The following TMEM39B variants were observed in gnomAD, a reference collection of about 807,000 sequenced individuals.
TMEM39B encodes the protein transmembrane protein 39B.
A neutral mutation model predicts 52.2 loss-of-function variants in TMEM39B; 23 were observed. The ratio of observed to expected loss-of-function variants is 0.44; its 90% CI spans 0.32 to 0.62. The LOEUF is 0.62. Among genes scored for constraint, TMEM39B ranks in the 20% least tolerant of loss-of-function variants. TMEM39B has a pLI of 0.06. For missense variants in TMEM39B, 547 were observed against 642.0 expected (o/e 0.85, Z 1.60); for synonymous variants, 285 against 264.0 (o/e 1.08, Z -0.77).
chr1:32,098,815 G>A (rs535992716), intron 7 of TMEM39B, among the ~76,000 whole-genome samples: 2 of 152,208 alleles, frequency 1.3e-5, no homozygotes, highest in Non-Finnish European at 2.9e-5. Context: ...CAGGCCTTGC[G>A]GCATGCTCTG....
rs1395510266 is a variant in TMEM39B at position 32,075,768 on chromosome 1, C to A, written c.297C>A (p.Ile99=). The A allele has an allele frequency of 6.5e-7, 1 of 1,548,070 alleles. No individual in the cohort carries two copies. Among genetic ancestry groups the A allele is most frequent in the East Asian group, 2.5e-5 (1 of 40,804 alleles). The change falls in exon 3 of 9, where the codon ATC becomes ATA. Residue 99 remains isoleucine, a synonymous_variant. Transcript: ENST00000336294. ...LIALFVHYIN[I]YKTVWWYPPS... is the part of the protein sequence containing the mutation. ...CACTCTTCGTCCACTACATCAACAT[C>A]TACAAGACAGTGTGGTGGTATCCAC...
At chr1:32,100,039 C>T (rs1450021394) in intron 7 of TMEM39B, among the ~76,000 whole-genome samples, 1 of 151,590 alleles carries the variant, frequency 6.6e-6, no homozygotes, top group Non-Finnish European at 1.5e-5. Context: ...AAGATCGAAA[C>T]TCATTCTCAA....
At chr1:32,090,764 C>T (rs1212053400) in intron 5 of TMEM39B, among the ~76,000 whole-genome samples, 4 of 152,176 alleles carry the variant, frequency 2.6e-5, no homozygotes, top group African/African-American at 7.2e-5. Flanking sequence ...CTCAGCCTCC[C>T]GAGTAGCTGG....
At chr1:32,077,832 G>C in intron 5 of TMEM39B, among the ~76,000 whole-genome samples, 1 of 152,160 alleles carries the variant, frequency 6.6e-6, no homozygotes, top group East Asian at 1.9e-4. Context: ...ATGTGTGTAT[G>C]CCTTTGTGCC....
intron 1 of TMEM39B, chr1:32,073,490 A>C: frequency 1.0e-6 from 1 of 981,124 alleles, no homozygotes; most frequent in Non-Finnish European, 1.2e-6. Flanking sequence ...TTCTGGGCTG[A>C]GAGGGCTTTT....
At chr1:32,096,747 C>T (rs1000075197) in intron 7 of TMEM39B, among the ~76,000 whole-genome samples, 18 of 152,004 alleles carry the variant, frequency 1.2e-4, no homozygotes, top group African/African-American at 4.4e-4. Context: ...AGGAGTGAGC[C>T]ACTACACTTG....
Position 32,102,820 on chromosome 1 carries a change from T to C in TMEM39B, c.*147T>C. On this transcript the variant is annotated 3_prime_UTR_variant, in exon 9 of 9. Transcript: ENST00000336294. ...TTTTTGTTACGTACTGTTTCTTTGA[T>C]AATTGATGTGATAAGGAAAAAAGTC... 13 of 928,604 alleles carry C rather than the reference T, an allele frequency of 1.4e-5. No homozygotes were observed. Among genetic ancestry groups the C allele is most frequent in the Non-Finnish European group, 1.9e-5 (13 of 684,074 alleles). The allele number at this position is 928,604 out of a possible 1,614,324, so 57.5% of individuals were successfully genotyped here. A position where few individuals can be genotyped will look rare whatever the true frequency, so the allele number is the denominator to read the frequency against.
At chr1:32,089,776 G>A (rs550052758) in intron 5 of TMEM39B, among the ~76,000 whole-genome samples, 2 of 151,598 alleles carry the variant, frequency 1.3e-5, no homozygotes, top group African/African-American at 4.8e-5. Flanking sequence ...AGTAGCTGAC[G>A]CCTGTAATCC....
intron 5 of TMEM39B, 63 bp downstream of exon 5, chr1:32,077,381 G>A (rs963096445): frequency 3.7e-5 from 59 of 1,581,744 alleles, no homozygotes; most frequent in Middle Eastern, 1.7e-4. Flanking sequence ...TGCCCTGACC[G>A]TAGCTGGCTC....
chr1:32,075,168 C>G, intron 2 of TMEM39B, 91 bp downstream of exon 2: 1 of 1,460,758 alleles, frequency 6.8e-7, no homozygotes, highest in Non-Finnish European at 9.1e-7. Context: ...GATGTGAAAT[C>G]CTAGATGCCA....
intron 5 of TMEM39B, among the ~76,000 whole-genome samples, chr1:32,090,395 A>G (rs1470535161): frequency 6.6e-6 from 1 of 152,102 alleles, no homozygotes; most frequent in African/African-American, 2.4e-5. Context: ...GCCCTCTGCA[A>G]ACTAAAGAGC....
rs1005389962 is a variant in TMEM39B at position 32,075,027 on chromosome 1, T to C, written c.81T>C (p.Ser27=). 2.6e-6 allele frequency: 4 copies of C among 1,551,582 alleles called. No individual in the cohort carries two copies. The highest frequency in any genetic ancestry group is 4.9e-5 in the East Asian group (2 of 40,918). Residue 27 remains serine, a synonymous_variant, in exon 2 of 9, where the codon AGT becomes AGC. Coordinates refer to ENST00000336294, the MANE Select transcript of TMEM39B (RefSeq NM_018056.4). ...LCEPGSSGGS[S]GSHTSSASVT... is the part of the protein sequence containing the mutation. ...AGCCGGGATCCTCGGGGGGCTCTAG[T>C]GGAAGCCACACTTCCAGTGCATCGG...
chr1:32,102,575 T>G lies in TMEM39B; in HGVS notation c.1381T>G (p.Tyr461Asp). 6.2e-7 allele frequency: 1 copy of G among 1,614,120 alleles called. No individual in the cohort carries two copies. Among genetic ancestry groups the G allele is most frequent in the Non-Finnish European group, 8.5e-7 (1 of 1,180,008 alleles). The change falls in exon 9 of 9, where the codon TAT (tyrosine) becomes GAT (aspartate). Residue 461 changes from tyrosine to aspartate, a missense_variant. Tyr to Asp is a radical substitution (Grantham distance 160). Transcript: ENST00000336294. ...GGCCCTCATCCTCTTCAGCAACTACTATGCCTTCTTCAAGCTGCTCCGGGA... is the reference window on the plus strand; with the variant it reads ...GGCCCTCATCCTCTTCAGCAACTACGATGCCTTCTTCAAGCTGCTCCGGGA... ...SLALILFSNYYAFFKLLRDRL... is the reference protein window; with the variant it reads ...SLALILFSNYDAFFKLLRDRL...
intron 5 of TMEM39B, 112 bp from the exon 6 acceptor site, chr1:32,091,563 T>G: frequency 7.9e-7 from 1 of 1,258,684 alleles, no homozygotes. Context: ...TTCTCCCCTC[T>G]GGGCAGCCAG....
intron 6 of TMEM39B, among the ~76,000 whole-genome samples, chr1:32,092,403 C>T (rs1209426394): frequency 6.6e-6 from 1 of 152,214 alleles, no homozygotes; most frequent in Non-Finnish European, 1.5e-5. Context: ...AATGGTCCTC[C>T]TGCCTCAGCT....
At position 32,091,995 on chromosome 1, in the gene TMEM39B, C is replaced by T. The variant is rs1445226108; in HGVS notation, c.911C>T (p.Pro304Leu). The change falls in exon 6 of 9, where the codon CCT (proline) becomes CTT (leucine). Residue 304 changes from proline to leucine, a missense_variant. Transcript: ENST00000336294. ...AGCGCCTACTATGTGGCCTTTGTGCCTGTCTGGTTCGTGAAGGTGCGTACC... is the reference window on the plus strand; with the variant it reads ...AGCGCCTACTATGTGGCCTTTGTGCTTGTCTGGTTCGTGAAGGTGCGTACC... ...MLSAYYVAFV[P>L]VWFVKNTHYY... The T allele has an allele frequency of 6.2e-7, 1 of 1,613,694 alleles. No homozygotes were observed. The highest frequency in any genetic ancestry group is 1.3e-5 in the African/African-American group (1 of 75,038).
In TMEM39B at chr1:32,094,694, C is replaced by G; in HGVS notation, c.928-90C>G. 2.8e-6 allele frequency: 4 copies of G among 1,453,302 alleles called. 1 individual carries two copies. The highest frequency in any genetic ancestry group is 1.7e-4 in the Middle Eastern group (1 of 5,724). 90.0% of individuals were successfully genotyped at this position (1,453,302 alleles called of 1,614,324 possible). A position where few individuals can be genotyped will look rare whatever the true frequency, so the allele number is the denominator to read the frequency against. ...ATTCTGAGGTCTCCCCAGGACTGTC[C>G]TAACCTCTCAGTCAGGTAGAATCAG... is the stretch of plus-strand genomic sequence containing the variant. On this transcript the variant is annotated intron_variant, in intron 6 of 8. Coordinates refer to ENST00000336294, the MANE Select transcript of TMEM39B (RefSeq NM_018056.4).
At chr1:32,076,649 C>A in intron 3 of TMEM39B, 114 bp from the exon 4 acceptor site, 1 of 1,096,426 alleles carries the variant, frequency 9.1e-7, no homozygotes, top group Non-Finnish European at 1.4e-6. Flanking sequence ...CGATGAAGGT[C>A]AGAGAATGAG....
chr1:32,075,322 A>C (rs146706213), intron 2 of TMEM39B, among the ~76,000 whole-genome samples: 1 of 152,320 alleles, frequency 6.6e-6, no homozygotes, highest in East Asian at 1.9e-4. Flanking sequence ...AGATTTGCTG[A>C]TGGCTTGGAC....
Sources: gnomAD v4.1 joint callset for allele counts (sites outside exome capture counted in the v4.1 genomes callset) on GRCh38, gnomAD v4.1.1 for gene constraint, MANE v1.5 for transcripts, NCBI Gene and HGNC (gene_info 2026-07-23, HGNC 2026-07-21) for gene names.